Variants in MEGF11 observed in about 807,000 individuals in gnomAD.
MEGF11 encodes the protein multiple EGF like domains 11, also known as multiple epidermal growth factor-like domains protein 11.
Under a neutral mutation model 146.6 loss-of-function variants are expected in MEGF11, and 126 were observed. That is an observed-to-expected ratio of 0.86 (90% confidence interval 0.74 to 1.00). The LOEUF is 1.00. Ranked by LOEUF, MEGF11 falls within the 50% of genes least tolerant of loss-of-function variation. The probability of loss-of-function intolerance (pLI) is 0.00; values close to 1 mark genes in which losing one functional copy is unlikely to be tolerated. For synonymous variants in MEGF11, 532 were observed against 583.4 expected (o/e 0.91, Z 1.27); for missense variants, 1,509 against 1,521.2 (o/e 0.99, Z 0.13).
At chr15:66,195,009 G>A (rs908012255) in intron 1 of MEGF11, among the ~76,000 whole-genome samples, 2 of 151,150 alleles carry the variant, frequency 1.3e-5, no homozygotes, top group African/African-American at 4.9e-5. Flanking sequence ...TATGTCCATT[G>A]TCCTTGAAAA....
chr15:66,092,196 T>C (rs1276515109), intron 5 of MEGF11, among the ~76,000 whole-genome samples: 2 of 151,968 alleles, frequency 1.3e-5, no homozygotes, highest in Non-Finnish European at 1.5e-5. Flanking sequence ...CCGAAAGAGG[T>C]AGTGAGCTCC....
At chr15:65,928,680 T>A (rs1213114105) in intron 12 of MEGF11, among the ~76,000 whole-genome samples, 153 bp from the exon 13 acceptor site, 2 of 152,042 alleles carry the variant, frequency 1.3e-5, no homozygotes, top group Non-Finnish European at 2.9e-5. Flanking sequence ...CCCACAGAGA[T>A]GCAGGGAGAC....
At chr15:65,938,276 C>CA (rs1165125392) in intron 10 of MEGF11, among the ~76,000 whole-genome samples, 4 of 152,246 alleles carry the variant, frequency 2.6e-5, no homozygotes, top group Non-Finnish European at 5.9e-5. Flanking sequence ...ATCACACAGC[C>CA]AATGCAAGGT....
chr15:65,944,214 T>A (rs947922252), intron 10 of MEGF11, among the ~76,000 whole-genome samples: 1 of 152,116 alleles, frequency 6.6e-6, no homozygotes, highest in African/African-American at 2.4e-5. Flanking sequence ...TCCTTGGAGC[T>A]TTCTGTTTAG....
intron 10 of MEGF11, among the ~76,000 whole-genome samples, chr15:65,951,709 A>G (rs1032572522): frequency 2.0e-5 from 3 of 149,306 alleles, no homozygotes; most frequent in African/African-American, 7.5e-5. Context: ...CAAACAAACA[A>G]ACAAAAAAAC....
At position 65,957,643 on chromosome 15, in the gene MEGF11, G is replaced by C; in HGVS notation, c.1191C>G (p.Gly397=). The C allele has an allele frequency of 1.2e-6, 2 of 1,613,988 alleles. No individual in the cohort carries two copies. The highest frequency in any genetic ancestry group is 1.7e-6 in the Non-Finnish European group (2 of 1,179,890). Residue 397 remains glycine (G), a synonymous_variant, in exon 10 of 26, where the codon GGC becomes GGG. Coordinates refer to ENST00000395614, the MANE Select transcript of MEGF11 (RefSeq NM_001385028.1). ...GCAGCTGGCAGCCATCGCCATAGTA[G>C]CCAACAGGGCAGGATTCATTGCAGT... is the stretch of plus-strand genomic sequence containing the variant. ...GHHCNESCPV[G]YYGDGCQLPC... is the part of the protein sequence containing the mutation.
At chr15:66,155,884 T>C (rs1013333386) in intron 1 of MEGF11, among the ~76,000 whole-genome samples, 12 of 152,198 alleles carry the variant, frequency 7.9e-5, no homozygotes, top group African/African-American at 2.9e-4. Flanking sequence ...CACTTACTCA[T>C]GGGTCTTGTT....
At chr15:65,938,287 G>C (rs1356321593) in intron 10 of MEGF11, among the ~76,000 whole-genome samples, 1 of 152,240 alleles carries the variant, frequency 6.6e-6, no homozygotes, top group Non-Finnish European at 1.5e-5. Flanking sequence ...AATGCAAGGT[G>C]AACATTCATT....
intron 1 of MEGF11, among the ~76,000 whole-genome samples, chr15:66,232,434 C>CG (rs1243030355): frequency 2.0e-5 from 3 of 152,136 alleles, no homozygotes; most frequent in African/African-American, 4.8e-5. Context: ...TCCAAGTCCC[C>CG]GGGGAGCTCT....
At chr15:65,969,929 A>C (rs2081246219) in intron 8 of MEGF11, among the ~76,000 whole-genome samples, 4 of 151,984 alleles carry the variant, frequency 2.6e-5, no homozygotes, top group Admixed American at 2.6e-4. Flanking sequence ...ACCATCACAC[A>C]CACCGGTTGC....
In MEGF11 at chr15:66,097,324, C is replaced by T. The variant is rs530862557; in HGVS notation, c.302-2830G>A. 3.9e-5 allele frequency among the ~76,000 whole-genome samples: 6 copies of T among 152,208 alleles called. No individual in the cohort carries two copies. In the East Asian group the frequency reaches 7.7e-4, roughly 20 times the overall value. Reference sequence around the variant, plus strand: ...GGAGGATGGAGGTGGCCATCCCTGGCGCTGGGGCGGCTGACTCCTATGCCA... The same window carrying T: ...GGAGGATGGAGGTGGCCATCCCTGGTGCTGGGGCGGCTGACTCCTATGCCA... On this transcript the variant is annotated intron_variant, in intron 4 of 25. Transcript: ENST00000395614.
chr15:66,166,583 T>A (rs1335750000), intron 1 of MEGF11, among the ~76,000 whole-genome samples: 1 of 152,116 alleles, frequency 6.6e-6, no homozygotes, highest in Non-Finnish European at 1.5e-5. Context: ...ATGATCTGGT[T>A]CGTGTCCTCC....
chr15:66,039,535 C>T (rs1194459701), intron 5 of MEGF11, among the ~76,000 whole-genome samples: 1 of 152,206 alleles, frequency 6.6e-6, no homozygotes, highest in African/African-American at 2.4e-5. Flanking sequence ...ACTTTACAGA[C>T]AGAGAAACAG....
intron 5 of MEGF11, among the ~76,000 whole-genome samples, chr15:66,040,928 C>G (rs1423262321): frequency 6.7e-6 from 1 of 149,320 alleles, no homozygotes; most frequent in South Asian, 2.1e-4. Context: ...TTTTTTTTTC[C>G]CCCCCGGTTT....
intron 1 of MEGF11, among the ~76,000 whole-genome samples, chr15:66,179,624 A>C (rs1433533919): frequency 1.3e-5 from 2 of 152,186 alleles, no homozygotes; most frequent in African/African-American, 2.4e-5. Context: ...AGAGAGTGCA[A>C]CCAGGAAAAA....
intron 5 of MEGF11, among the ~76,000 whole-genome samples, chr15:66,013,901 G>A (rs924614367): frequency 3.9e-5 from 6 of 152,146 alleles, no homozygotes; most frequent in African/African-American, 1.2e-4. Context: ...AGCAGTTAGG[G>A]GCCAGATCAT....
At chr15:66,102,813 T>C in intron 4 of MEGF11, among the ~76,000 whole-genome samples, 1 of 152,108 alleles carries the variant, frequency 6.6e-6, no homozygotes, top group East Asian at 1.9e-4. Flanking sequence ...ACACCCAGGG[T>C]TCCTTCCCAG....
At chr15:66,104,741 CAAG>C (rs1397114943) in intron 4 of MEGF11, among the ~76,000 whole-genome samples, 1 of 152,204 alleles carries the variant, frequency 6.6e-6, no homozygotes, top group Admixed American at 6.5e-5. Flanking sequence ...ATTCACACAG[CAAG>C]ATGATGGCCG....
chr15:66,232,058 G>A (rs1418478216), intron 1 of MEGF11, among the ~76,000 whole-genome samples: 1 of 152,200 alleles, frequency 6.6e-6, no homozygotes, highest in East Asian at 1.9e-4. Flanking sequence ...TGGTAGAGCT[G>A]AGCCTTGAAC....
Sources: allele counts gnomAD v4.1 joint callset (sites outside exome capture counted in the v4.1 genomes callset), GRCh38; gene constraint gnomAD v4.1.1; transcripts MANE v1.5; gene names NCBI Gene and HGNC (gene_info 2026-07-23, HGNC 2026-07-21).